Variants in NOL9 observed in about 807,000 individuals in gnomAD.
The protein encoded by NOL9 is polynucleotide 5'-hydroxyl-kinase NOL9.
In NOL9, 28 loss-of-function variants were observed where a neutral mutation model predicts 67.9. The observed-to-expected ratio is 0.41, with a 90% confidence interval of 0.31 to 0.57. NOL9 has a LOEUF of 0.57. NOL9 is among the 20% of genes least tolerant of loss of function. The pLI is 0.25. For synonymous variants in NOL9, 356 were observed against 352.2 expected, an observed-to-expected ratio of 1.01 and a Z score of -0.12; for missense variants, 777 against 897.0, an observed-to-expected ratio of 0.87 and a Z score of 1.71.
chr1:6,538,066 A>C (rs1219271165), intron 6 of NOL9, among the ~76,000 whole-genome samples: 2 of 151,546 alleles, frequency 1.3e-5, no homozygotes, highest in East Asian at 1.9e-4. Context: ...AAAATAAAAA[A>C]ATTTAAAAAG....
intron 10 of NOL9, among the ~76,000 whole-genome samples, chr1:6,528,050 G>A (rs1053686960): frequency 1.3e-5 from 2 of 152,216 alleles, no homozygotes; most frequent in Non-Finnish European, 2.9e-5. Context: ...TTTATGGTCT[G>A]TGAAAATGCT....
intron 6 of NOL9, among the ~76,000 whole-genome samples, chr1:6,534,728 G>A (rs920324466): frequency 2.0e-5 from 3 of 152,330 alleles, no homozygotes; most frequent in East Asian, 3.9e-4. Context: ...GCTAACGAGA[G>A]TGACCCCTGG....
At chr1:6,549,473 G>C (rs1010211693) in intron 3 of NOL9, 98 bp downstream of exon 3, 30 of 1,383,052 alleles carry the variant, frequency 2.2e-5, no homozygotes, top group Middle Eastern at 2.2e-4. Flanking sequence ...GCACTAGATA[G>C]ACCAACTGTT....
At position 6,554,362 on chromosome 1, in the gene NOL9, G is replaced by A. The variant is rs778722393; in HGVS notation, c.141C>T (p.Arg47=). 26 of 1,455,384 alleles carry A rather than the reference G, an allele frequency of 1.8e-5. 1 individual carries two copies. The Admixed American group carries it at 7.1e-4, about 40-fold the overall frequency. The allele number at this position is 1,455,384 out of a possible 1,614,324, so 90.2% of individuals were successfully genotyped here. ...GGGCTTGCAGTAACCGCCACCGTAG[G>A]CGCCGCCGACCGCACCAGCGCAGGC... ...LGSLRWCGRR[R]LRWRLLQAQA... is the part of the protein sequence containing the mutation. Residue 47 remains arginine (R), a synonymous_variant, in exon 1 of 12, where the codon CGC becomes CGT. Coordinates refer to ENST00000377705, the MANE Select transcript of NOL9 (RefSeq NM_024654.5).
chr1:6,545,919 C>CAAAA (rs66980518), intron 3 of NOL9, among the ~76,000 whole-genome samples: 8,361 of 59,144 alleles, frequency 0.14, 1,881 homozygotes, highest in East Asian at 0.38. Context: ...GTCTGTGTCT[C>CAAAA]AAAAAAAAAA....
At chr1:6,540,597 GAGT>G (rs1162860660) in intron 6 of NOL9, among the ~76,000 whole-genome samples, 1 of 152,136 alleles carries the variant, frequency 6.6e-6, no homozygotes, top group Non-Finnish European at 1.5e-5. Flanking sequence ...AGTCAGAGGT[GAGT>G]AGATGACCTG....
intron 3 of NOL9, chr1:6,549,265 GAACC>G (rs34485217): frequency 0.091 from 20,927 of 229,754 alleles, 1,291 homozygotes; most frequent in South Asian, 0.15. Context: ...TCAAAAAAAC[GAACC>G]AACCAACCAA....
chr1:6,523,161 C>CAA lies in NOL9; in HGVS notation c.*2691_*2692dup. On this transcript the variant is annotated 3_prime_UTR_variant, in exon 12 of 12. Coordinates refer to ENST00000377705, the MANE Select transcript of NOL9 (RefSeq NM_024654.5). ...TGGGTGACAGAGCGAGACTCTGTCT[C>CAA]AAAAAAAAAGAAAAAAAAAAAAGAA... is the stretch of plus-strand genomic sequence containing the variant. 1 of 97,910 alleles carries CAA rather than the reference C, an allele frequency of 1.0e-5. No individual in the cohort carries two copies. Among genetic ancestry groups the CAA allele is most frequent in the Non-Finnish European group, 2.0e-5 (1 of 49,762 alleles). 6.1% of individuals were successfully genotyped at this position (97,910 alleles called of 1,614,324 possible). A position where few individuals can be genotyped will look rare whatever the true frequency, so the allele number is the denominator to read the frequency against.
intron 1 of NOL9, among the ~76,000 whole-genome samples, chr1:6,552,667 G>A (rs1249740627): frequency 2.0e-5 from 3 of 149,934 alleles, no homozygotes; most frequent in Admixed American, 6.6e-5. Context: ...ACAGGGTTTC[G>A]CCATATTGGC....
In NOL9 at chr1:6,554,132, G is replaced by A; in HGVS notation, c.371C>T (p.Ala124Val). 2 of 1,530,420 alleles carry A rather than the reference G, an allele frequency of 1.3e-6. No homozygotes were observed. Among genetic ancestry groups the A allele is most frequent in the Non-Finnish European group, 8.8e-7 (1 of 1,138,308 alleles). The allele number at this position is 1,530,420 out of a possible 1,614,324, so 94.8% of individuals were successfully genotyped here. The stretch of plus-strand genomic sequence containing the variant: ...CTGCTCGACCGGCAGCAGCAGCAAC[G>A]CGCGGCCGGGGCCCACGGGCCGCAC... Reference protein sequence around the residue: ...PPVRPVGPGRALLLLPVEQGF... With the variant: ...PPVRPVGPGRVLLLLPVEQGF... The change falls in exon 1 of 12, where the codon GCG becomes GTG. Residue 124 changes from alanine to valine, a missense_variant. Transcript: ENST00000377705.
At chr1:6,544,544 C>CCA (rs1553183972) in intron 5 of NOL9, among the ~76,000 whole-genome samples, 13 of 118,666 alleles carry the variant, frequency 1.1e-4, no homozygotes, top group African/African-American at 5.4e-4. Flanking sequence ...CACACACGCA[C>CCA]CCCCCCCCCG....
intron 3 of NOL9, 41 bp from the exon 4 acceptor site, chr1:6,545,221 ATTT>A (rs763404901): frequency 6.3e-7 from 1 of 1,583,368 alleles, no homozygotes; most frequent in Non-Finnish European, 8.6e-7. Context: ...AAAAATGCAT[ATTT>A]TTTTCTTCAG....
Position 6,533,399 on chromosome 1 carries a change from T to C in NOL9, c.1118A>G (p.Tyr373Cys). 2 of 1,612,656 alleles carry C rather than the reference T, an allele frequency of 1.2e-6. No individual in the cohort carries two copies. Among genetic ancestry groups the C allele is most frequent in the Non-Finnish European group, 1.7e-6 (2 of 1,179,162 alleles). ...GTTTTTACAAGAAGGTTTCCCATAA[T>C]ATACCATCTTCTGTGGAGTCCTCAG... ...THLRTPQKMV[Y>C]YGKPSCKNNY... Residue 373 changes from tyrosine (Y) to cysteine (C), a missense_variant, in exon 7 of 12, where the codon TAT becomes TGT. This residue lies in a region of NOL9 where 413 missense variants were observed against 552.6 expected (regional missense o/e 0.75). Coordinates refer to ENST00000377705, the MANE Select transcript of NOL9 (RefSeq NM_024654.5).
chr1:6,551,444 C>T (rs1639541456), intron 1 of NOL9, among the ~76,000 whole-genome samples: 1 of 148,410 alleles, frequency 6.7e-6, no homozygotes, highest in Non-Finnish European at 1.5e-5. Context: ...ACCATCTCTA[C>T]TAAAATTACA....
chr1:6,552,705 G>A (rs1209718728), intron 1 of NOL9, among the ~76,000 whole-genome samples: 1 of 151,588 alleles, frequency 6.6e-6, no homozygotes, highest in East Asian at 2.0e-4. Flanking sequence ...CGCTACCTCA[G>A]GTGATCCACC....
rs1456707223 is a variant in NOL9, at chr1:6,533,349, CTATGTCAA to C, written c.1160_1167del (p.Ile387SerfsTer32). On this transcript the variant is annotated frameshift_variant, in exon 7 of 12. Coordinates refer to ENST00000377705, the MANE Select transcript of NOL9 (RefSeq NM_024654.5). LOFTEE classifies it high-confidence loss of function. ...TTGTAAGCGCTGAACACATATTTCA[CTATGTCAA>C]TATAATTCTCATAGTTGTTTTTACA... 6.2e-7 allele frequency: 1 copy of C among 1,613,436 alleles called. No individual in the cohort carries two copies. The highest frequency in any genetic ancestry group is 8.5e-7 in the Non-Finnish European group (1 of 1,179,658).
intron 9 of NOL9, among the ~76,000 whole-genome samples, chr1:6,530,437 A>G (rs569149708): frequency 6.6e-6 from 1 of 152,330 alleles, no homozygotes; most frequent in African/African-American, 2.4e-5. Context: ...ATGGGCAACA[A>G]GAGTGAAATT....
intron 10 of NOL9, among the ~76,000 whole-genome samples, chr1:6,527,783 T>G (rs1013259650): frequency 4.0e-5 from 6 of 148,846 alleles, no homozygotes; most frequent in Non-Finnish European, 7.5e-5. Flanking sequence ...AATACAAAAT[T>G]AGCTGGGCGT....
At chr1:6,553,667 C>T (rs1271589085) in intron 1 of NOL9, among the ~76,000 whole-genome samples, 1 of 151,892 alleles carries the variant, frequency 6.6e-6, no homozygotes, top group Non-Finnish European at 1.5e-5. Context: ...TGGCGAAACC[C>T]CGTTTCTACT....
Sources: gnomAD v4.1 joint callset for allele counts (sites outside exome capture counted in the v4.1 genomes callset) on GRCh38, gnomAD v4.1.1 for gene constraint, gnomAD v4.1.1 regional missense constraint, MANE v1.5 for transcripts, NCBI Gene and HGNC (gene_info 2026-07-23, HGNC 2026-07-21) for gene names.